The following FUT8 variants were observed in gnomAD, a reference collection of about 807,000 sequenced individuals.
The protein encoded by FUT8 is fucosyltransferase 8, also known as alpha-(1,6)-fucosyltransferase.
Under a neutral mutation model 71.3 loss-of-function variants are expected in FUT8, and 29 were observed. The ratio of observed to expected loss-of-function variants is 0.41; its 90% confidence interval spans 0.30 to 0.55. The LOEUF (loss-of-function observed/expected upper bound fraction) is 0.55, where lower values mean the gene tolerates loss of function less well. FUT8 is among the 20% of genes least tolerant of loss of function. FUT8 has a pLI of 0.34. For missense variants in FUT8, 544 were observed against 702.1 expected, an observed-to-expected ratio of 0.77 and a Z score of 2.55; for synonymous variants, 254 against 239.3, an observed-to-expected ratio of 1.06 and a Z score of -0.57.
chr14:65,357,668 T>C, the FUT8 span, among the ~76,000 whole-genome samples: 1 of 152,236 alleles, frequency 6.6e-6, no homozygotes, highest in Non-Finnish European at 1.5e-5. Flanking sequence ...CTCGGCTCTG[T>C]CACTCACTAG....
At chr14:65,364,601 C>G in the FUT8 span, among the ~76,000 whole-genome samples, 5 of 152,342 alleles carry the variant, frequency 3.3e-5, no homozygotes, top group South Asian at 1.0e-3. Context: ...AACAACCCAT[C>G]TTGCCTTGTC....
At chr14:65,630,912 T>C (rs1890149741) in intron 6 of FUT8, among the ~76,000 whole-genome samples, 1 of 152,226 alleles carries the variant, frequency 6.6e-6, no homozygotes, top group African/African-American at 2.4e-5. Flanking sequence ...CTACTTTCCC[T>C]GTAAAATTAA....
At chr14:65,469,532 T>C (rs1306878530) in intron 2 of FUT8, among the ~76,000 whole-genome samples, 1 of 152,230 alleles carries the variant, frequency 6.6e-6, no homozygotes, top group Non-Finnish European at 1.5e-5. Flanking sequence ...TCTTGTCCTG[T>C]GTCCAGGAAG....
chr14:65,717,111 G>A (rs556432029), intron 7 of FUT8, among the ~76,000 whole-genome samples: 3 of 140,894 alleles, frequency 2.1e-5, no homozygotes, highest in Admixed American at 7.1e-5. Flanking sequence ...CCCAGACGAC[G>A]GGCAGCCGGG....
chr14:65,637,958 C>G (rs1890645879), intron 6 of FUT8, among the ~76,000 whole-genome samples: 1 of 152,072 alleles, frequency 6.6e-6, no homozygotes, highest in African/African-American at 2.4e-5. Context: ...AGTGCCTAAG[C>G]CAAACCCACA....
chr14:65,407,295 A>C (rs1336220765), upstream of FUT8, among the ~76,000 whole-genome samples: 1 of 152,182 alleles, frequency 6.6e-6, no homozygotes, highest in African/African-American at 2.4e-5. Context: ...TTGCCATACC[A>C]AAGCTATATG....
chr14:65,648,323 T>A (rs115327169), intron 6 of FUT8, among the ~76,000 whole-genome samples: 2,684 of 152,332 alleles, frequency 0.018, 79 homozygotes, highest in African/African-American at 0.061. Flanking sequence ...TTCCTGTTCC[T>A]TCTATTCCTT....
At chr14:65,547,246 T>A (rs1272419629) in intron 2 of FUT8, among the ~76,000 whole-genome samples, 1 of 151,636 alleles carries the variant, frequency 6.6e-6, no homozygotes, top group Non-Finnish European at 1.5e-5. Context: ...TTATATTACA[T>A]TCATAGAGCT....
intron 7 of FUT8, among the ~76,000 whole-genome samples, chr14:65,696,801 G>A (rs531799895): frequency 6.6e-6 from 1 of 152,046 alleles, no homozygotes; most frequent in South Asian, 2.1e-4. Flanking sequence ...TCTTTAAGCT[G>A]ATTCTTTCCT....
intron 2 of FUT8, among the ~76,000 whole-genome samples, chr14:65,495,274 T>C (rs1249430231): frequency 2.0e-5 from 3 of 151,982 alleles, no homozygotes; most frequent in Non-Finnish European, 2.9e-5. Context: ...AAAAGTCATG[T>C]ATTCTTTGTG....
At chr14:65,471,824 G>A (rs1262655818) in intron 2 of FUT8, among the ~76,000 whole-genome samples, 5 of 151,772 alleles carry the variant, frequency 3.3e-5, no homozygotes, top group African/African-American at 1.2e-4. Context: ...TGTACTTAAG[G>A]TTATTTTTTG....
chr14:65,408,748 AT>A (rs2065096885), upstream of FUT8, among the ~76,000 whole-genome samples: 1 of 152,176 alleles, frequency 6.6e-6, no homozygotes, highest in Admixed American at 6.5e-5. Context: ...CAATCACTTC[AT>A]TTACTCTTGT....
chr14:65,610,165 T>C (rs540667998), intron 3 of FUT8, among the ~76,000 whole-genome samples: 50 of 151,962 alleles, frequency 3.3e-4, no homozygotes, highest in Non-Finnish European at 6.0e-4. Context: ...GCTTCTTTCA[T>C]TCCAATTTGA....
chr14:65,657,350 T>C (rs1327264729), intron 6 of FUT8, among the ~76,000 whole-genome samples: 1 of 152,138 alleles, frequency 6.6e-6, no homozygotes, highest in Non-Finnish European at 1.5e-5. Flanking sequence ...AATCAGTATA[T>C]TGAAGAAATA....
At chr14:65,619,859 T>A (rs1889507588) in intron 5 of FUT8, among the ~76,000 whole-genome samples, 1 of 152,232 alleles carries the variant, frequency 6.6e-6, no homozygotes, top group South Asian at 2.1e-4. Flanking sequence ...CTAGCCTACC[T>A]CTTTGCAGTA....
At chr14:65,722,075 T>C in intron 8 of FUT8, 54 bp downstream of exon 8, 7 of 1,584,342 alleles carry the variant, frequency 4.4e-6, no homozygotes, top group Non-Finnish European at 6.0e-6. Flanking sequence ...TAGGGTTATG[T>C]ATCTTTACAA....
chr14:65,713,738 C>A (rs1367852632), intron 7 of FUT8, among the ~76,000 whole-genome samples: 1 of 152,132 alleles, frequency 6.6e-6, no homozygotes, highest in Non-Finnish European at 1.5e-5. Flanking sequence ...TTACTTTTAT[C>A]CTGTAGAGTT....
chr14:65,687,698 C>T (rs1043575747), intron 7 of FUT8, among the ~76,000 whole-genome samples: 1 of 151,170 alleles, frequency 6.6e-6, no homozygotes, highest in Non-Finnish European at 1.5e-5. Flanking sequence ...ATACCCCCCA[C>T]TCCCCCTACC....
intron 1 of FUT8, among the ~76,000 whole-genome samples, chr14:65,421,210 A>G (rs1171279701): frequency 1.3e-5 from 2 of 151,898 alleles, no homozygotes; most frequent in Non-Finnish European, 2.9e-5. Flanking sequence ...AAAAAAAAAA[A>G]AAAAAATCAT....
Sources: allele counts gnomAD v4.1 joint callset (sites outside exome capture counted in the v4.1 genomes callset), GRCh38; gene constraint gnomAD v4.1.1; transcripts MANE v1.5; gene names NCBI Gene and HGNC (gene_info 2026-07-23, HGNC 2026-07-21).